Variants in ACTL8 observed in about 807,000 individuals in gnomAD.
ACTL8 encodes the protein actin like 8, also known as actin-like protein 8.
In ACTL8, 3 loss-of-function variants were observed where a neutral mutation model predicts 9.3. The ratio of observed to expected loss-of-function variants is 0.32; its 90% CI spans 0.15 to 0.83. The LOEUF (loss-of-function observed/expected upper bound fraction) is 0.83, where lower values mean the gene tolerates loss of function less well. Ranked by LOEUF, ACTL8 falls within the 40% of genes least tolerant of loss-of-function variation. ACTL8 has a pLI of 0.57. For missense variants in ACTL8, 381 were observed against 492.2 expected (o/e 0.77, Z 2.14); for synonymous variants, 224 against 205.9 (o/e 1.09, Z -0.75).
chr1:17,759,140 G>A (rs2065986191), intron 1 of ACTL8, among the ~76,000 whole-genome samples: 1 of 152,246 alleles, frequency 6.6e-6, no homozygotes, highest in Non-Finnish European at 1.5e-5. Context: ...AGTAGTCAAA[G>A]AGATGGGCTT....
chr1:17,787,051 T>C lies in ACTL8; in HGVS notation c.-25+31547T>C, dbSNP rs139740588. On this transcript the variant is annotated intron_variant, in intron 1 of 2. Coordinates refer to ENST00000375406, the MANE Select transcript of ACTL8 (RefSeq NM_030812.3). ...AATGTTACATTTATAAAGTTCAGTA[T>C]ATTTTTTCCCTTGTTTTGTTTATCT... Among the ~76,000 whole-genome samples, 205 of 152,260 alleles carry C rather than the reference T, an allele frequency of 1.3e-3. 1 individual carries two copies. The highest frequency in any genetic ancestry group is 4.8e-3 in the African/African-American group (199 of 41,562).
At chr1:17,794,516 C>G (rs912575125) in intron 1 of ACTL8, among the ~76,000 whole-genome samples, 18 of 152,202 alleles carry the variant, frequency 1.2e-4, no homozygotes, top group African/African-American at 4.3e-4. Context: ...AGATGTTAAA[C>G]AAGCAACAGT....
At chr1:17,758,199 G>C (rs1228926747) in intron 1 of ACTL8, among the ~76,000 whole-genome samples, 1 of 152,182 alleles carries the variant, frequency 6.6e-6, no homozygotes, top group African/African-American at 2.4e-5. Context: ...GGGGGTCCTG[G>C]AGTAGCAGAT....
At chr1:17,768,699 A>T (rs1189761726) in intron 1 of ACTL8, among the ~76,000 whole-genome samples, 1 of 151,534 alleles carries the variant, frequency 6.6e-6, no homozygotes, top group Non-Finnish European at 1.5e-5. Context: ...CTGGAATAGG[A>T]GGGGCGTTTG....
chr1:17,796,015 G>A (rs2066274314), intron 1 of ACTL8, among the ~76,000 whole-genome samples: 1 of 152,160 alleles, frequency 6.6e-6, no homozygotes, highest in Admixed American at 6.5e-5. Flanking sequence ...TAAAAGCTGA[G>A]CTAGGGAGGG....
At chr1:17,816,646 G>A (rs938221504) in intron 1 of ACTL8, among the ~76,000 whole-genome samples, 3 of 152,126 alleles carry the variant, frequency 2.0e-5, no homozygotes, top group Non-Finnish European at 4.4e-5. Flanking sequence ...CTGCAACTCC[G>A]TCTTGTCCTT....
At chr1:17,777,551 G>T (rs1213024603) in intron 1 of ACTL8, among the ~76,000 whole-genome samples, 3 of 152,178 alleles carry the variant, frequency 2.0e-5, no homozygotes, top group Non-Finnish European at 4.4e-5. Context: ...CTGATAGATT[G>T]GCCGTTGCTT....
intron 1 of ACTL8, among the ~76,000 whole-genome samples, chr1:17,758,794 C>A (rs557860929): frequency 2.6e-5 from 4 of 152,114 alleles, no homozygotes; most frequent in African/African-American, 9.7e-5. Context: ...ATGCCCACCC[C>A]GAAGTTATTT....
At chr1:17,780,502 C>T (rs575020199) in intron 1 of ACTL8, among the ~76,000 whole-genome samples, 1 of 152,222 alleles carries the variant, frequency 6.6e-6, no homozygotes, top group East Asian at 1.9e-4. Flanking sequence ...CTCTGGGGCT[C>T]TTGTGAAATT....
chr1:17,785,595 C>T lies in ACTL8; in HGVS notation c.-25+30091C>T, dbSNP rs2066191804. On this transcript the variant is annotated intron_variant, in intron 1 of 2. Transcript: ENST00000375406. ...GTCTTAGATTTCAACCCTCTCATCC[C>T]ACTGTGACAGGGATGCTTGTAGGGT... Among the ~76,000 whole-genome samples the T allele has an allele frequency of 2.0e-5, 3 of 152,210 alleles. No individual in the cohort carries two copies. In the South Asian group the frequency reaches 6.2e-4, roughly 32 times the overall value.
Position 17,767,533 on chromosome 1 carries a change from G to A in ACTL8, c.-25+12029G>A, listed in dbSNP as rs2066053186. On this transcript the variant is annotated intron_variant, in intron 1 of 2. Coordinates refer to ENST00000375406, the MANE Select transcript of ACTL8 (RefSeq NM_030812.3). The surrounding 1 kb of genome is among the most constrained non-coding windows in gnomAD (Gnocchi z 4.7). ...TCTCCTGGGGGTTGAGTTTGGCCTT[G>A]TCTAAGCCCGTGGCTGGGTGCATGG... 6.6e-6 allele frequency among the ~76,000 whole-genome samples: 1 copy of A among 152,174 alleles called. No homozygotes were observed. The highest frequency in any genetic ancestry group is 1.5e-5 in the Non-Finnish European group (1 of 68,022).
intron 1 of ACTL8, among the ~76,000 whole-genome samples, chr1:17,809,947 G>A (rs963661814): frequency 6.6e-6 from 1 of 152,186 alleles, no homozygotes; most frequent in Non-Finnish European, 1.5e-5. Flanking sequence ...TGCCAAAAAG[G>A]TTGGGGATCG....
At chr1:17,757,959 G>C (rs190906315) in intron 1 of ACTL8, among the ~76,000 whole-genome samples, 2 of 152,182 alleles carry the variant, frequency 1.3e-5, no homozygotes, top group African/African-American at 4.8e-5. Context: ...GAATCCAAAG[G>C]CTTGGGGAGA....
intron 1 of ACTL8, among the ~76,000 whole-genome samples, chr1:17,779,754 AAC>A (rs1244877092): frequency 6.6e-6 from 1 of 152,194 alleles, no homozygotes; most frequent in Non-Finnish European, 1.5e-5. Context: ...GCTGCTTTTT[AAC>A]AGTCTTAGCA....
chr1:17,785,995 C>A (rs1332023432), intron 1 of ACTL8, among the ~76,000 whole-genome samples: 1 of 152,152 alleles, frequency 6.6e-6, no homozygotes, highest in Non-Finnish European at 1.5e-5. Flanking sequence ...AGGATTCATT[C>A]CCTGTGGCTG....
At chr1:17,776,957 T>C (rs1298916423) in intron 1 of ACTL8, among the ~76,000 whole-genome samples, 1 of 142,006 alleles carries the variant, frequency 7.0e-6, no homozygotes, top group Admixed American at 7.3e-5. Flanking sequence ...CCACCACCGT[T>C]CCTGGCTAAT....
chr1:17,787,494 C>T (rs987729264), intron 1 of ACTL8, among the ~76,000 whole-genome samples: 2 of 152,192 alleles, frequency 1.3e-5, no homozygotes, highest in African/African-American at 4.8e-5. Flanking sequence ...GTCTCCAACT[C>T]CCAGCCTCAA....
intron 1 of ACTL8, among the ~76,000 whole-genome samples, chr1:17,757,799 T>C (rs951849502): frequency 6.6e-6 from 1 of 152,170 alleles, no homozygotes; most frequent in Non-Finnish European, 1.5e-5. Flanking sequence ...GCTGGATGCA[T>C]TGATACGGGC....
At chr1:17,779,980 G>A (rs960130160) in intron 1 of ACTL8, among the ~76,000 whole-genome samples, 1 of 152,180 alleles carries the variant, frequency 6.6e-6, no homozygotes, top group Non-Finnish European at 1.5e-5. Context: ...GCTGAGGCGG[G>A]AGGATTGCTT....
Sources: allele counts gnomAD v4.1 joint callset (sites outside exome capture counted in the v4.1 genomes callset), GRCh38; gene constraint gnomAD v4.1.1; non-coding constraint Gnocchi (gnomAD v3.1); transcripts MANE v1.5; gene names NCBI Gene and HGNC (gene_info 2026-07-23, HGNC 2026-07-21).